The following PAN3 variants were observed in gnomAD, a reference collection of about 807,000 sequenced individuals.
PAN3 encodes PAN2-PAN3 deadenylation complex subunit PAN3.
PAN3 carries 19 observed loss-of-function variants against 96.2 expected under a neutral mutation model. That is an observed-to-expected ratio of 0.20 (90% CI 0.14 to 0.29). PAN3 has a LOEUF of 0.29. Among genes scored for constraint, PAN3 ranks in the 10% least tolerant of loss-of-function variants. The pLI is 1.00. For synonymous variants in PAN3, 433 were observed against 406.6 expected (o/e 1.06, Z -0.78); for missense variants, 882 against 1,108.1 (o/e 0.80, Z 2.90).
intron 4 of PAN3, among the ~76,000 whole-genome samples, chr13:28,186,567 G>A (rs986842460): frequency 1.3e-5 from 2 of 152,174 alleles, no homozygotes; most frequent in African/African-American, 4.8e-5. Flanking sequence ...ATCTAATTAT[G>A]TACAAGACGA....
At chr13:28,215,991 T>C in intron 5 of PAN3, 2 of 728,858 alleles carry the variant, frequency 2.7e-6, no homozygotes, top group Non-Finnish European at 4.8e-6. Flanking sequence ...AAGTTAATAG[T>C]AAAAGACTGG....
chr13:28,202,436 CCTAT>C (rs1222195682), intron 5 of PAN3, among the ~76,000 whole-genome samples: 2 of 152,098 alleles, frequency 1.3e-5, no homozygotes, highest in Non-Finnish European at 2.9e-5. Flanking sequence ...ATTTATTCTA[CCTAT>C]CTGAGTTTAT....
chr13:28,226,806 A>C (rs1012951907), intron 6 of PAN3, among the ~76,000 whole-genome samples: 2 of 152,248 alleles, frequency 1.3e-5, no homozygotes, highest in Non-Finnish European at 1.5e-5. Context: ...TCTTATAACC[A>C]ATTAAAGTAT....
intron 12 of PAN3, 116 bp downstream of exon 12, chr13:28,267,517 T>C (rs1450328368): frequency 1.2e-6 from 1 of 842,998 alleles, no homozygotes; most frequent in East Asian, 2.7e-5. Flanking sequence ...GTTTAAAGAC[T>C]CTATTACATT....
chr13:28,209,939 C>T (rs45440692), intron 5 of PAN3, among the ~76,000 whole-genome samples: 1 of 152,172 alleles, frequency 6.6e-6, no homozygotes, highest in South Asian at 2.1e-4. Context: ...TGCTATCATG[C>T]ATGGCTAATT....
intron 6 of PAN3, among the ~76,000 whole-genome samples, chr13:28,239,188 C>CACAT (rs1405630497): frequency 5.3e-5 from 6 of 112,254 alleles, no homozygotes; most frequent in Non-Finnish European, 1.0e-4. Flanking sequence ...CACACACACA[C>CACAT]GCATGCACAC....
chr13:28,289,697 C>T (rs1310553817), intron 18 of PAN3, among the ~76,000 whole-genome samples: 8 of 152,198 alleles, frequency 5.3e-5, no homozygotes, highest in African/African-American at 7.2e-5. Flanking sequence ...CTGGCTAACA[C>T]GGTGAAACCC....
intron 6 of PAN3, among the ~76,000 whole-genome samples, chr13:28,238,808 T>C (rs895023466): frequency 7.2e-5 from 11 of 152,198 alleles, no homozygotes; most frequent in African/African-American, 1.4e-4. Context: ...CCCTTTTTTT[T>C]CATAATAGTG....
chr13:28,250,875 CT>C (rs1311872133), intron 6 of PAN3, among the ~76,000 whole-genome samples: 3 of 151,934 alleles, frequency 2.0e-5, no homozygotes, highest in Admixed American at 2.0e-4. Context: ...AATCACAATT[CT>C]TTTTTTTCGA....
rs779468176 is a variant in PAN3 at position 28,138,603 on chromosome 13, T to TGGCGGCGGCGGCGGCGGC, written c.-53_-52insCGGCGGCGGCGGCGGCGG. ...TCTTCCTTTCCTCCCCCGTCTATGGTGGTGGCGGCGGCGGCTCCTCGGGCG... is the reference window on the plus strand; with the variant it reads ...TCTTCCTTTCCTCCCCCGTCTATGGTGGCGGCGGCGGCGGCGGCGGTGGCGGCGGCGGCTCCTCGGGCG... On this transcript the variant is annotated 5_prime_UTR_variant, in exon 1 of 19. Transcript: ENST00000380958. 8.6e-6 allele frequency: 4 copies of TGGCGGCGGCGGCGGCGGC among 465,386 alleles called. No homozygotes were observed. The highest frequency in any genetic ancestry group is 4.2e-5 in the African/African-American group (2 of 47,880). 28.8% of individuals were successfully genotyped at this position (465,386 alleles called of 1,614,324 possible). A position where few individuals can be genotyped will look rare whatever the true frequency, so the allele number is the denominator to read the frequency against.
At chr13:28,141,544 C>T (rs528004488) in intron 1 of PAN3, among the ~76,000 whole-genome samples, 5 of 147,498 alleles carry the variant, frequency 3.4e-5, no homozygotes, top group African/African-American at 1.0e-4. Flanking sequence ...CTCGGCTCAC[C>T]GCAACCTCTG....
intron 6 of PAN3, among the ~76,000 whole-genome samples, chr13:28,244,174 C>CTA (rs1239337122): frequency 6.6e-6 from 1 of 152,156 alleles, no homozygotes; most frequent in Non-Finnish European, 1.5e-5. Context: ...GTTAAGCAGA[C>CTA]TAGCCCTTTA....
chr13:28,262,713 CA>C (rs66941646), intron 9 of PAN3, among the ~76,000 whole-genome samples: 92,036 of 152,008 alleles, frequency 0.61, 29,472 homozygotes, highest in Admixed American at 0.73. Flanking sequence ...TTTGAAATAA[CA>C]AACTGTAGAA....
intron 14 of PAN3, among the ~76,000 whole-genome samples, chr13:28,276,191 T>A (rs939951486): frequency 1.3e-5 from 2 of 152,222 alleles, no homozygotes; most frequent in Non-Finnish European, 2.9e-5. Context: ...GGATGGCTAC[T>A]GCTGATTTTG....
At chr13:28,191,494 T>C (rs1246854212) in intron 4 of PAN3, among the ~76,000 whole-genome samples, 2 of 152,124 alleles carry the variant, frequency 1.3e-5, no homozygotes, top group East Asian at 1.9e-4. Context: ...AGTGGGAGGA[T>C]AGAGATGCTG....
At chr13:28,200,807 TG>T (rs1274260852) in intron 5 of PAN3, among the ~76,000 whole-genome samples, 3 of 152,216 alleles carry the variant, frequency 2.0e-5, no homozygotes, top group Non-Finnish European at 4.4e-5. Context: ...TCCATTAATA[TG>T]TTTGTAAAGT....
At chr13:28,277,771 C>T (rs1887180847) in intron 15 of PAN3, among the ~76,000 whole-genome samples, 1 of 152,220 alleles carries the variant, frequency 6.6e-6, no homozygotes, top group African/African-American at 2.4e-5. Context: ...TTTCCCTCAT[C>T]TTGGAGTTCT....
At position 28,169,984 on chromosome 13, in the gene PAN3, T is replaced by G. The variant is rs368502987; in HGVS notation, c.431-4288T>G. Among the ~76,000 whole-genome samples the G allele has an allele frequency of 8.6e-5, 13 of 151,978 alleles. No homozygotes were observed. In the East Asian group the frequency reaches 2.1e-3, roughly 25 times the overall value. ...GTCACATGAACCTGGGAGGCAGAGT[T>G]TGCAGTGAGCTGAGATCACACCACT... is the stretch of plus-strand genomic sequence containing the variant. On this transcript the variant is annotated intron_variant, in intron 1 of 18. Transcript: ENST00000380958.
chr13:28,202,941 T>A (rs1479375449), intron 5 of PAN3, among the ~76,000 whole-genome samples: 1 of 152,130 alleles, frequency 6.6e-6, no homozygotes, highest in Admixed American at 6.6e-5. Flanking sequence ...TGCTACTGTT[T>A]AATTTTTTTC....
Sources: allele counts gnomAD v4.1 joint callset (sites outside exome capture counted in the v4.1 genomes callset), GRCh38; gene constraint gnomAD v4.1.1; transcripts MANE v1.5; gene names NCBI Gene and HGNC (gene_info 2026-07-23, HGNC 2026-07-21).